CDC14B: variants seen among roughly 807,000 people sequenced by gnomAD.
CDC14B encodes the protein cell division cycle 14B.
Under a neutral mutation model 64.2 loss-of-function variants are expected in CDC14B, and 22 were observed. That is an observed-to-expected ratio of 0.34 (90% confidence interval 0.24 to 0.49). The LOEUF is 0.49. Ranked by LOEUF, CDC14B falls within the 20% of genes least tolerant of loss-of-function variation. The pLI is 0.99. For synonymous variants in CDC14B, 191 were observed against 215.8 expected (o/e 0.89, Z 1.01); for missense variants, 498 against 629.9 (o/e 0.79, Z 2.24).
At chr9:96,550,099 G>A (rs966920311) in intron 5 of CDC14B, among the ~76,000 whole-genome samples, 4 of 152,186 alleles carry the variant, frequency 2.6e-5, no homozygotes, top group Non-Finnish European at 5.9e-5. Flanking sequence ...CAAGGTGCCT[G>A]TGACTCAAGA....
At chr9:96,542,564 C>G (rs1840213401) in intron 5 of CDC14B, among the ~76,000 whole-genome samples, 1 of 152,020 alleles carries the variant, frequency 6.6e-6, no homozygotes. Context: ...GTGCAGCTCA[C>G]TGCAGCCTCA....
chr9:96,599,799 G>A (rs183105071), intron 1 of CDC14B, among the ~76,000 whole-genome samples: 79 of 151,628 alleles, frequency 5.2e-4, no homozygotes, highest in South Asian at 1.0e-3. Flanking sequence ...GTGCAGTGGC[G>A]CAGCTCACTG....
In CDC14B at chr9:96,550,157, T is replaced by C. The variant is rs576211387; in HGVS notation, c.497+1639A>G. 5.3e-5 allele frequency among the ~76,000 whole-genome samples: 8 copies of C among 152,338 alleles called. No homozygotes were observed. The East Asian group carries it at 1.3e-3, about 26-fold the overall frequency. On this transcript the variant is annotated intron_variant, in intron 5 of 13. Coordinates refer to ENST00000375241, the MANE Select transcript of CDC14B (RefSeq NM_033331.4). The stretch of plus-strand genomic sequence containing the variant: ...TAAAGGAAGAATGTGGTTGCTATTA[T>C]GTTATAGGTTGAGAAGAATTTTCCA...
At chr9:96,520,956 C>T (rs1836618454) in intron 12 of CDC14B, among the ~76,000 whole-genome samples, 1 of 152,086 alleles carries the variant, frequency 6.6e-6, no homozygotes, top group Admixed American at 6.6e-5. Context: ...CCTGGAGCCA[C>T]CATAATACTT....
rs571574535 is a variant in CDC14B at position 96,567,081 on chromosome 9, C to G, written c.161-1598G>C. The G allele has an allele frequency of 8.2e-5, 73 of 895,504 alleles. No homozygotes were observed. In the Middle Eastern group the frequency reaches 2.6e-3, roughly 32 times the overall value. The allele number at this position is 895,504 out of a possible 1,614,324, so 55.5% of individuals were successfully genotyped here. A position where few individuals can be genotyped will look rare whatever the true frequency, so the allele number is the denominator to read the frequency against. ...CCCCACCTCCCGCTTTCTTTCCCCC[C>G]GCCTGGCCGCCCGCCTTCCTTCCCC... is the stretch of plus-strand genomic sequence containing the variant. On this transcript the variant is annotated intron_variant, in intron 1 of 13. Transcript: ENST00000375241.
chr9:96,573,786 T>C (rs1844623518), intron 1 of CDC14B, among the ~76,000 whole-genome samples: 1 of 152,182 alleles, frequency 6.6e-6, no homozygotes, highest in Admixed American at 6.5e-5. Flanking sequence ...ACATGGAATA[T>C]GACATGTTAA....
intron 12 of CDC14B, among the ~76,000 whole-genome samples, chr9:96,519,452 C>T (rs923707461): frequency 3.9e-5 from 6 of 151,994 alleles, no homozygotes; most frequent in Admixed American, 6.6e-5. Context: ...AAAGAGAAAC[C>T]GGCCAGGCGC....
At chr9:96,617,632 T>C (rs1279303326) in intron 1 of CDC14B, among the ~76,000 whole-genome samples, 1 of 152,172 alleles carries the variant, frequency 6.6e-6, no homozygotes, top group Non-Finnish European at 1.5e-5. Context: ...TGGTAGAGAA[T>C]ATATAGTATA....
chr9:96,553,289 T>C (rs1842063732), intron 4 of CDC14B, among the ~76,000 whole-genome samples: 1 of 152,114 alleles, frequency 6.6e-6, no homozygotes, highest in African/African-American at 2.4e-5. Context: ...TTCACCAATT[T>C]TCTGACTCAA....
chr9:96,570,813 G>A (rs1226495718), intron 1 of CDC14B, among the ~76,000 whole-genome samples: 5 of 152,200 alleles, frequency 3.3e-5, no homozygotes, highest in African/African-American at 1.2e-4. Flanking sequence ...AGGAGGTGGA[G>A]TGACTAACCT....
chr9:96,510,628 T>G (rs1230910386), intron 12 of CDC14B, among the ~76,000 whole-genome samples: 3 of 150,788 alleles, frequency 2.0e-5, no homozygotes, highest in Admixed American at 6.6e-5. Context: ...TTTTTTGAGA[T>G]GGAGTCTTGC....
chr9:96,502,844 A>AATTT lies in CDC14B; in HGVS notation c.*908_*909insAAAT. ...CCAATGTTACAGGGAAGGACTCTAA[A>AATTT]AAAGTGGTAACTTTTTTTTTTTGTA... On this transcript the variant is annotated 3_prime_UTR_variant, in exon 14 of 14. Coordinates refer to ENST00000375241, the MANE Select transcript of CDC14B (RefSeq NM_033331.4). The AATTT allele has an allele frequency of 2.5e-6, 1 of 394,408 alleles. No homozygotes were observed. Among genetic ancestry groups the AATTT allele is most frequent in the Middle Eastern group, 6.3e-4 (1 of 1,584 alleles). 24.4% of individuals were successfully genotyped at this position (394,408 alleles called of 1,614,324 possible). A position where few individuals can be genotyped will look rare whatever the true frequency, so the allele number is the denominator to read the frequency against.
At chr9:96,531,175 T>G (rs1462113549) in intron 9 of CDC14B, among the ~76,000 whole-genome samples, 12 of 152,220 alleles carry the variant, frequency 7.9e-5, no homozygotes, top group African/African-American at 2.9e-4. Flanking sequence ...TTAGAAAGTG[T>G]TCCTTTTTCC....
At chr9:96,520,998 G>C (rs1346041953) in intron 12 of CDC14B, among the ~76,000 whole-genome samples, 1 of 152,104 alleles carries the variant, frequency 6.6e-6, no homozygotes, top group Non-Finnish European at 1.5e-5. Flanking sequence ...CTTAGGTGAA[G>C]ACTTTTAATA....
intron 1 of CDC14B, among the ~76,000 whole-genome samples, chr9:96,571,664 C>T (rs1415968006): frequency 1.3e-5 from 2 of 152,178 alleles, no homozygotes; most frequent in Non-Finnish European, 2.9e-5. Flanking sequence ...TATTGGTTTT[C>T]ATCCACAGTT....
chr9:96,564,422 A>G (rs1564349184), intron 3 of CDC14B, among the ~76,000 whole-genome samples: 5 of 152,220 alleles, frequency 3.3e-5, no homozygotes, highest in Admixed American at 2.0e-4. Context: ...AAATGAAGGC[A>G]GAAAGAACAA....
At chr9:96,497,441 G>T (rs550558068), downstream of CDC14B, among the ~76,000 whole-genome samples, 1 of 152,230 alleles carries the variant, frequency 6.6e-6, no homozygotes, top group Admixed American at 6.5e-5. Context: ...AGGCTAGGAC[G>T]TAAGGGCAGG....
intron 1 of CDC14B, among the ~76,000 whole-genome samples, chr9:96,580,333 G>T (rs1450174914): frequency 1.3e-5 from 2 of 151,712 alleles, no homozygotes; most frequent in Non-Finnish European, 2.9e-5. Context: ...CCAGGTTCAA[G>T]CGATTCTCCT....
chr9:96,543,393 C>T (rs532246774), intron 5 of CDC14B, among the ~76,000 whole-genome samples: 163 of 151,970 alleles, frequency 1.1e-3, no homozygotes, highest in African/African-American at 3.7e-3. Context: ...TTTGGCCTCC[C>T]GAAGTGTTGA....
Sources: gnomAD v4.1 joint callset for allele counts (sites outside exome capture counted in the v4.1 genomes callset) on GRCh38, gnomAD v4.1.1 for gene constraint, MANE v1.5 for transcripts, NCBI Gene and HGNC (gene_info 2026-07-23, HGNC 2026-07-21) for gene names.